The following EMG1 variants were observed in gnomAD, a reference collection of about 807,000 sequenced individuals.
EMG1 encodes EMG1 N1-specific pseudouridine methyltransferase, also known as ribosomal RNA small subunit methyltransferase NEP1.
EMG1 carries 24 observed loss-of-function variants against 26.9 expected under a neutral mutation model. That is an observed-to-expected ratio of 0.89 (90% CI 0.65 to 1.26). The LOEUF is 1.26. EMG1 is among the 50% of genes most tolerant of loss of function. The pLI is 0.00. For missense variants in EMG1, 299 were observed against 307.6 expected (o/e 0.97, Z 0.21); for synonymous variants, 140 against 112.6 (o/e 1.24, Z -1.54).
chr12:6,981,783 A>G, downstream of EMG1: 1 of 1,578,152 alleles, frequency 6.3e-7, no homozygotes. Flanking sequence ...CCTACATGTA[A>G]GGAAGGCAGG....
Position 6,987,796 on chromosome 12 carries a change from T to C in EMG1, c.*169T>C. On this transcript the variant is annotated 3_prime_UTR_variant and NMD_transcript_variant, in exon 7 of 8. Transcript: ENST00000261406. This position sits in a 1 kb window ranked among gnomAD's most constrained non-coding sequence, Gnocchi z 4.1. ...ACATTTTCTAGGTGTCTGGATCGTATCTATTCCAGAGTAAAGTCATGATGG... is the reference window on the plus strand; with the variant it reads ...ACATTTTCTAGGTGTCTGGATCGTACCTATTCCAGAGTAAAGTCATGATGG... The C allele has an allele frequency of 2.5e-6, 1 of 400,812 alleles. No homozygotes were observed. Among genetic ancestry groups the C allele is most frequent in the Non-Finnish European group, 4.4e-6 (1 of 226,246 alleles). The allele number at this position is 400,812 out of a possible 1,614,324, so 24.8% of individuals were successfully genotyped here.
At chr12:6,971,190 G>T in intron 1 of EMG1, 99 bp downstream of exon 1, 1 of 995,524 alleles carries the variant, frequency 1.0e-6, no homozygotes, top group African/African-American at 1.6e-5. Context: ...AGCAGAGAGG[G>T]GTGAAAGATG....
rs1466120386 is a variant in EMG1, at chr12:6,977,834, A to T, written c.*2025A>T. 4.4e-5 allele frequency: 66 copies of T among 1,513,884 alleles called. No individual in the cohort carries two copies. The highest frequency in any genetic ancestry group is 3.2e-4 in the South Asian group (27 of 84,330). The allele number at this position is 1,513,884 out of a possible 1,614,324, so 93.8% of individuals were successfully genotyped here. ...TCTGGGTCCTCACCCTGAGGATTGG[A>T]TTGGAGTGCTGGTGGGTTCCCACGT... On this transcript the variant is annotated 3_prime_UTR_variant, in exon 6 of 6. Coordinates refer to ENST00000599672, the MANE Select transcript of EMG1 (RefSeq NM_006331.8). The surrounding 1 kb of genome is among the most constrained non-coding windows in gnomAD (Gnocchi z 4.5).
At chr12:6,982,513 A>T (rs1174152134), downstream of EMG1, among the ~76,000 whole-genome samples, 4 of 152,206 alleles carry the variant, frequency 2.6e-5, no homozygotes, top group African/African-American at 9.7e-5. Flanking sequence ...TGGATGGAAC[A>T]CTTGGGCCTG....
chr12:6,978,757 C>G lies in EMG1; in HGVS notation c.*2948C>G. The G allele has an allele frequency of 2.5e-6, 4 of 1,586,480 alleles. No individual in the cohort carries two copies. Among genetic ancestry groups the G allele is most frequent in the Non-Finnish European group, 2.6e-6 (3 of 1,164,790 alleles). ...TAGGCAGTTTCTCTCAGCACTCTTC[C>G]TTTTCACACTTGTGGCTGGCTACTT... is the stretch of plus-strand genomic sequence containing the variant. On this transcript the variant is annotated 3_prime_UTR_variant, in exon 6 of 6. Coordinates refer to ENST00000599672, the MANE Select transcript of EMG1 (RefSeq NM_006331.8).
intron 1 of EMG1, among the ~76,000 whole-genome samples, chr12:6,971,904 C>T (rs1371899443): frequency 1.3e-5 from 2 of 152,208 alleles, no homozygotes; most frequent in African/African-American, 4.8e-5. Flanking sequence ...TCATTCATCT[C>T]TTTCCCCACA....
At chr12:6,973,788 C>T (rs757712091) in intron 1 of EMG1, among the ~76,000 whole-genome samples, 83 of 151,468 alleles carry the variant, frequency 5.5e-4, no homozygotes, top group Admixed American at 1.2e-3. Flanking sequence ...GTGATCTGCC[C>T]GCCTCGGCCT....
intron 3 of EMG1, 157 bp from the exon 4 acceptor site, chr12:6,974,933 A>T (rs1268133547): frequency 1.2e-6 from 1 of 860,384 alleles, no homozygotes; most frequent in Non-Finnish European, 1.9e-6. Flanking sequence ...AGCTAGCCAT[A>T]TGCTTGGCAA....
intron 3 of EMG1, 120 bp from the exon 4 acceptor site, chr12:6,974,970 C>T: frequency 9.6e-7 from 1 of 1,036,540 alleles, no homozygotes. Flanking sequence ...TTTCAGGAGT[C>T]CAGTCTAGAT....
intron 1 of EMG1, among the ~76,000 whole-genome samples, chr12:6,972,610 C>T (rs1946346292): frequency 6.6e-6 from 1 of 152,184 alleles, no homozygotes; most frequent in Non-Finnish European, 1.5e-5. Context: ...ATGTAGTCCA[C>T]TTCTTTAACA....
At chr12:6,975,030 T>C in intron 3 of EMG1, 60 bp from the exon 4 acceptor site, 1 of 1,539,130 alleles carries the variant, frequency 6.5e-7, no homozygotes, top group South Asian at 1.1e-5. Context: ...CCTTGTTCGA[T>C]GACTGGACAG....
In EMG1 at chr12:6,970,936, A is replaced by C; in HGVS notation, c.13A>C (p.Ser5Arg). Residue 5 changes from serine (S) to arginine (R), a missense_variant, in exon 1 of 6, where the codon AGT becomes CGT. By Grantham distance (110) the Ser-to-Arg change is moderately radical. Coordinates refer to ENST00000599672, the MANE Select transcript of EMG1 (RefSeq NM_006331.8). ...GTATTGTTGCAAGATGGCCGCGCCCAGTGATGGATTCAAGCCTCGTGAACG... is the reference window on the plus strand; with the variant it reads ...GTATTGTTGCAAGATGGCCGCGCCCCGTGATGGATTCAAGCCTCGTGAACG... MAAP[S>R]DGFKPRERSG... is the part of the protein sequence containing the mutation. 5 of 1,613,032 alleles carry C rather than the reference A, an allele frequency of 3.1e-6. No individual in the cohort carries two copies. Among genetic ancestry groups the C allele is most frequent in the Non-Finnish European group, 4.2e-6 (5 of 1,179,440 alleles).
rs781857772 is a variant in EMG1, at chr12:6,979,562, T to G, written c.*3753T>G. 1.1e-5 allele frequency: 18 copies of G among 1,613,474 alleles called. No individual in the cohort carries two copies. The highest frequency in any genetic ancestry group is 1.6e-4 in the Middle Eastern group (1 of 6,084). On this transcript the variant is annotated 3_prime_UTR_variant, in exon 6 of 6. Transcript: ENST00000599672. ...GTAGAAAAGGCCCAGACTCAGGCGC[T>G]TGAGAGCAGGAATGATGCTGGAAAG... is the stretch of plus-strand genomic sequence containing the variant.
At chr12:6,992,997 T>C (rs186186662), downstream of EMG1, among the ~76,000 whole-genome samples, 8 of 152,348 alleles carry the variant, frequency 5.3e-5, no homozygotes, top group East Asian at 1.5e-3. Flanking sequence ...TTTATTATTG[T>C]ATTATTATTT....
downstream of EMG1, among the ~76,000 whole-genome samples, chr12:6,992,728 CT>C (rs1288158241): frequency 6.6e-6 from 1 of 152,132 alleles, no homozygotes; most frequent in Non-Finnish European, 1.5e-5. Context: ...TGTTTTCAAT[CT>C]TTTTGAAACT....
chr12:6,971,512 G>C (rs1372914854), intron 1 of EMG1, among the ~76,000 whole-genome samples: 2 of 152,168 alleles, frequency 1.3e-5, no homozygotes, highest in Non-Finnish European at 2.9e-5. Context: ...CTGACCTCAA[G>C]TGATCCGCCC....
At position 6,977,235 on chromosome 12, in the gene EMG1, G is replaced by C; in HGVS notation, c.*1426G>C. On this transcript the variant is annotated 3_prime_UTR_variant, in exon 6 of 6. Transcript: ENST00000599672. This position sits in a 1 kb window ranked among gnomAD's most constrained non-coding sequence, Gnocchi z 4.5. ...AATAGTAGGCTCAGGAAGAAGATGTGGCCAAGGAAATAGATGGATTTATAC... is the reference window on the plus strand; with the variant it reads ...AATAGTAGGCTCAGGAAGAAGATGTCGCCAAGGAAATAGATGGATTTATAC... 6.2e-7 allele frequency: 1 copy of C among 1,613,800 alleles called. No homozygotes were observed. The highest frequency in any genetic ancestry group is 8.5e-7 in the Non-Finnish European group (1 of 1,179,708).
chr12:6,981,167 C>T, downstream of EMG1: 2 of 1,609,332 alleles, frequency 1.2e-6, no homozygotes, highest in South Asian at 1.1e-5. Context: ...TTCTGTTGCT[C>T]AGAGGACAAG....
chr12:6,985,187 C>G (rs879959673), intron 6 of EMG1, among the ~76,000 whole-genome samples: 1 of 149,174 alleles, frequency 6.7e-6, no homozygotes, highest in African/African-American at 2.5e-5. Flanking sequence ...GACAGGAGAT[C>G]GAGACTATCC....
Sources: allele counts gnomAD v4.1 joint callset (sites outside exome capture counted in the v4.1 genomes callset), GRCh38; gene constraint gnomAD v4.1.1; non-coding constraint Gnocchi (gnomAD v3.1); transcripts MANE v1.5; gene names NCBI Gene and HGNC (gene_info 2026-07-23, HGNC 2026-07-21).